Variants in ZFPM2 observed in about 807,000 individuals in gnomAD.
ZFPM2 encodes the protein zinc finger protein, FOG family member 2.
A neutral mutation model predicts 98.6 loss-of-function variants in ZFPM2; 20 were observed. The ratio of observed to expected loss-of-function variants is 0.20; its 90% CI spans 0.14 to 0.29. The LOEUF (loss-of-function observed/expected upper bound fraction) is 0.29, where lower values mean the gene tolerates loss of function less well. Among genes scored for constraint, ZFPM2 ranks in the 10% least tolerant of loss-of-function variants. The pLI, the probability that ZFPM2 is intolerant of heterozygous loss-of-function variation, is 1.00. For missense variants in ZFPM2, 1,310 were observed against 1,388.6 expected, an observed-to-expected ratio of 0.94 and a Z score of 0.90; for synonymous variants, 518 against 502.7, an observed-to-expected ratio of 1.03 and a Z score of -0.41.
At chr8:105,563,274 G>A (rs1815177335) in intron 4 of ZFPM2, among the ~76,000 whole-genome samples, 1 of 151,692 alleles carries the variant, frequency 6.6e-6, no homozygotes, top group African/African-American at 2.4e-5. Context: ...AGTACCATGT[G>A]GATGTGACAG....
At chr8:105,640,575 A>C (rs1816932007) in intron 5 of ZFPM2, among the ~76,000 whole-genome samples, 1 of 152,042 alleles carries the variant, frequency 6.6e-6, no homozygotes, top group Non-Finnish European at 1.5e-5. Flanking sequence ...GGCACCATTG[A>C]AATAATGACA....
Position 105,802,885 on chromosome 8 carries a change from C to A in ZFPM2, c.2803C>A (p.His935Asn), listed in dbSNP as rs1379940963. The change falls in exon 8 of 8, where the codon CAC (histidine) becomes AAC (asparagine). Residue 935 changes from histidine to asparagine, a missense_variant. Physicochemically the swap from His to Asn is moderately conservative, Grantham distance 68 (BLOSUM62 1). Transcript: ENST00000407775. ...CCCCAATGGAAACTTATTTTCATCC[C>A]ACCTAGCAACCCTGCAAGGCTTGAA... The part of the protein sequence containing the change: ...PSPNGNLFSS[H>N]LATLQGLKVF... 1 of 1,613,618 alleles carries A rather than the reference C, an allele frequency of 6.2e-7. No homozygotes were observed. Among genetic ancestry groups the A allele is most frequent in the Non-Finnish European group, 8.5e-7 (1 of 1,179,820 alleles).
intron 5 of ZFPM2, among the ~76,000 whole-genome samples, chr8:105,771,019 T>C (rs1462541175): frequency 2.0e-5 from 3 of 152,186 alleles, no homozygotes; most frequent in Non-Finnish European, 2.9e-5. Context: ...GTGTGAAGTA[T>C]ATTTTTGGCC....
intron 3 of ZFPM2, among the ~76,000 whole-genome samples, chr8:105,542,300 T>C (rs1478319126): frequency 6.6e-6 from 1 of 152,208 alleles, no homozygotes; most frequent in African/African-American, 2.4e-5. Context: ...CTTTGAATTG[T>C]ATGAAACCTG....
chr8:105,661,283 T>C (rs979826962), intron 5 of ZFPM2, among the ~76,000 whole-genome samples: 1 of 152,164 alleles, frequency 6.6e-6, no homozygotes, highest in African/African-American at 2.4e-5. Context: ...AGAAAGACTT[T>C]GTTTCTATTT....
intron 5 of ZFPM2, among the ~76,000 whole-genome samples, chr8:105,738,411 C>T (rs1386914793): frequency 6.6e-6 from 1 of 151,994 alleles, no homozygotes; most frequent in East Asian, 1.9e-4. Flanking sequence ...TTTCTTTATC[C>T]AGTCTATCAC....
intron 5 of ZFPM2, among the ~76,000 whole-genome samples, chr8:105,769,964 A>G (rs1812945616): frequency 6.6e-6 from 1 of 152,076 alleles, no homozygotes; most frequent in Admixed American, 6.6e-5. Flanking sequence ...CATCTGTTGT[A>G]CTTTTCTTAT....
intron 1 of ZFPM2, among the ~76,000 whole-genome samples, chr8:105,340,714 C>G (rs1446648485): frequency 6.6e-6 from 1 of 151,816 alleles, no homozygotes; most frequent in Non-Finnish European, 1.5e-5. Context: ...TGGCACTGTT[C>G]TATGTACAGA....
At chr8:105,726,314 C>T (rs1355295598) in intron 5 of ZFPM2, among the ~76,000 whole-genome samples, 1 of 151,730 alleles carries the variant, frequency 6.6e-6, no homozygotes, top group Non-Finnish European at 1.5e-5. Flanking sequence ...GTACTTAGCA[C>T]TCTATAAAAG....
intron 5 of ZFPM2, among the ~76,000 whole-genome samples, chr8:105,730,540 C>T (rs1296953953): frequency 1.3e-5 from 2 of 151,706 alleles, no homozygotes; most frequent in African/African-American, 2.4e-5. Flanking sequence ...GGGATTGCTG[C>T]TGAGAATAAA....
intron 4 of ZFPM2, among the ~76,000 whole-genome samples, chr8:105,591,453 C>A (rs186244170): frequency 1.7e-4 from 26 of 152,224 alleles, no homozygotes; most frequent in Admixed American, 4.6e-4. Context: ...ATAGACAGTA[C>A]TGTAAATACA....
At chr8:105,417,724 A>T (rs150734968) in intron 1 of ZFPM2, among the ~76,000 whole-genome samples, 1 of 152,204 alleles carries the variant, frequency 6.6e-6, no homozygotes, top group East Asian at 1.9e-4. Flanking sequence ...CTAATATGAG[A>T]TGCATGACTT....
chr8:105,430,061 G>A (rs772849624), intron 2 of ZFPM2, among the ~76,000 whole-genome samples: 3 of 152,154 alleles, frequency 2.0e-5, no homozygotes, highest in Non-Finnish European at 4.4e-5. Context: ...TCTGAGGCTC[G>A]TTTGACAGGG....
intron 3 of ZFPM2, among the ~76,000 whole-genome samples, chr8:105,540,099 A>G (rs1321682842): frequency 6.6e-6 from 1 of 151,580 alleles, no homozygotes; most frequent in East Asian, 1.9e-4. Flanking sequence ...CTCTCTCCCC[A>G]TCTCTGTCTC....
At chr8:105,396,918 T>C (rs1039859531) in intron 1 of ZFPM2, among the ~76,000 whole-genome samples, 6 of 152,224 alleles carry the variant, frequency 3.9e-5, no homozygotes, top group African/African-American at 1.4e-4. Context: ...TTTTATATAT[T>C]GCCAGTAACA....
chr8:105,783,485 C>G (rs1371767756), intron 5 of ZFPM2, among the ~76,000 whole-genome samples: 1 of 151,974 alleles, frequency 6.6e-6, no homozygotes, highest in Non-Finnish European at 1.5e-5. Flanking sequence ...TACCACCATC[C>G]ATCTCTAGAG....
At chr8:105,433,517 G>A (rs1047515264) in intron 2 of ZFPM2, among the ~76,000 whole-genome samples, 10 of 152,186 alleles carry the variant, frequency 6.6e-5, no homozygotes, top group African/African-American at 2.4e-4. Flanking sequence ...GCTGGGCACG[G>A]TGGCTCATGC....
At chr8:105,554,222 AT>A (rs1814931782) in intron 3 of ZFPM2, among the ~76,000 whole-genome samples, 1 of 152,164 alleles carries the variant, frequency 6.6e-6, no homozygotes, top group Non-Finnish European at 1.5e-5. Flanking sequence ...AAATGGTGCT[AT>A]TTGTCTCAAA....
chr8:105,511,461 G>A (rs904107590), intron 3 of ZFPM2, among the ~76,000 whole-genome samples: 1 of 152,180 alleles, frequency 6.6e-6, no homozygotes, highest in African/African-American at 2.4e-5. Context: ...CACCTAGATG[G>A]GGGCCCATGG....
Sources: allele counts gnomAD v4.1 joint callset (sites outside exome capture counted in the v4.1 genomes callset), GRCh38; gene constraint gnomAD v4.1.1; transcripts MANE v1.5; gene names NCBI Gene and HGNC (gene_info 2026-07-23, HGNC 2026-07-21).